The following SMCHD1 variants were observed in gnomAD, a reference collection of about 807,000 sequenced individuals.
SMCHD1 encodes structural maintenance of chromosomes flexible hinge domain-containing protein 1.
Under a neutral mutation model 254.7 loss-of-function variants are expected in SMCHD1, and 78 were observed. The observed-to-expected ratio is 0.31, with a 90% CI of 0.26 to 0.37. SMCHD1 has a LOEUF of 0.37. Ranked by LOEUF, SMCHD1 falls within the 10% of genes least tolerant of loss-of-function variation. The probability of loss-of-function intolerance (pLI) is 1.00; values close to 1 mark genes in which losing one functional copy is unlikely to be tolerated. For missense variants in SMCHD1, 1,840 were observed against 2,408.1 expected, an observed-to-expected ratio of 0.76 and a Z score of 4.94; for synonymous variants, 766 against 794.9, an observed-to-expected ratio of 0.96 and a Z score of 0.61.
chr18:2,688,807 A>G, intron 7 of SMCHD1, 60 bp downstream of exon 7: 1 of 967,436 alleles, frequency 1.0e-6, no homozygotes, highest in Non-Finnish European at 1.5e-6. Context: ...GGTGGGACAG[A>G]ACTTAACTTG....
intron 1 of SMCHD1, among the ~76,000 whole-genome samples, chr18:2,659,106 T>C (rs2073167772): frequency 6.6e-6 from 1 of 152,178 alleles, no homozygotes; most frequent in Non-Finnish European, 1.5e-5. Context: ...TGGGTGATCC[T>C]AAACTGTTAC....
chr18:2,796,419 T>A lies in SMCHD1; in HGVS notation c.5891T>A (p.Ile1964Lys), dbSNP rs1220805438. ...LIEEKLGMTP[I>K]RKCNDSLRHS... ...TCCATCTTCACAGGTATGACTCCCA[T>A]ACGTAAGTGTAATGACTCATTGCGT... The change falls in exon 47 of 48, where the codon ATA becomes AAA. Residue 1964 changes from isoleucine to lysine, a missense_variant. Physicochemically the swap from Ile to Lys is moderately radical, Grantham distance 102. Around this residue, in one of 9 missense-constraint regions of SMCHD1, gnomAD observed 132 missense variants for 138.2 expected, o/e 0.95. Transcript: ENST00000320876. The A allele has an allele frequency of 6.3e-7, 1 of 1,590,068 alleles. No individual in the cohort carries two copies. The highest frequency in any genetic ancestry group is 1.1e-5 in the South Asian group (1 of 87,158).
chr18:2,685,259 C>T lies in SMCHD1; in HGVS notation c.639-3135C>T, dbSNP rs1193926039. ...GGACTACAGGCGCCCGCCACCACGC[C>T]CGGCTAATTTTTTGTATTTTTAGTA... is the stretch of plus-strand genomic sequence containing the variant. On this transcript the variant is annotated intron_variant, in intron 5 of 47. Transcript: ENST00000320876. Among the ~76,000 whole-genome samples, 3 of 151,856 alleles carry T rather than the reference C, an allele frequency of 2.0e-5. No homozygotes were observed. In the East Asian group the frequency reaches 5.8e-4, roughly 29 times the overall value.
chr18:2,795,474 A>G (rs2076246230), intron 45 of SMCHD1, among the ~76,000 whole-genome samples: 1 of 152,240 alleles, frequency 6.6e-6, no homozygotes, highest in African/African-American at 2.4e-5. Flanking sequence ...AGTTTGAACC[A>G]CAGCATGCTC....
intron 5 of SMCHD1, among the ~76,000 whole-genome samples, chr18:2,687,854 C>T (rs377528261): frequency 2.0e-5 from 3 of 152,268 alleles, no homozygotes; most frequent in South Asian, 4.1e-4. Context: ...TCCAGCCTCA[C>T]CTTCATTCTG....
intron 1 of SMCHD1, among the ~76,000 whole-genome samples, chr18:2,663,050 A>G (rs1415334803): frequency 6.6e-6 from 1 of 152,160 alleles, no homozygotes; most frequent in Admixed American, 6.5e-5. Context: ...TTTCACTGAT[A>G]ACTAGTGATG....
intron 1 of SMCHD1, among the ~76,000 whole-genome samples, chr18:2,656,587 A>C (rs1028565108): frequency 6.6e-6 from 1 of 152,240 alleles, no homozygotes; most frequent in African/African-American, 2.4e-5. Flanking sequence ...GCGGCCCTGC[A>C]GTCTAGGGAA....
chr18:2,801,644 ATG>A (rs1422994714), intron 47 of SMCHD1, among the ~76,000 whole-genome samples: 4 of 152,074 alleles, frequency 2.6e-5, no homozygotes, highest in African/African-American at 9.7e-5. Flanking sequence ...GGTACATTAT[ATG>A]TGTTTCTGTA....
Position 2,761,964 on chromosome 18 carries a change from C to T in SMCHD1, c.4435-141C>T, listed in dbSNP as rs544621715. ...CTGAATTTTAAAAGCAAATTGATTA[C>T]TTTTAAAAGATTAATGGAAATAAAT... is the stretch of plus-strand genomic sequence containing the variant. On this transcript the variant is annotated intron_variant, in intron 35 of 47. Coordinates refer to ENST00000320876, the MANE Select transcript of SMCHD1 (RefSeq NM_015295.3). The T allele has an allele frequency of 4.1e-5, 29 of 709,800 alleles. No homozygotes were observed. The African/African-American group carries it at 5.0e-4, about 12-fold the overall frequency. The allele number at this position is 709,800 out of a possible 1,614,324, so 44.0% of individuals were successfully genotyped here.
At chr18:2,735,082 T>C (rs896079728) in intron 25 of SMCHD1, among the ~76,000 whole-genome samples, 1 of 151,104 alleles carries the variant, frequency 6.6e-6, no homozygotes, top group Non-Finnish European at 1.5e-5. Flanking sequence ...AAAAAAAAGT[T>C]AATTCACCAC....
intron 34 of SMCHD1, among the ~76,000 whole-genome samples, chr18:2,757,537 T>C (rs2075704755): frequency 6.6e-6 from 1 of 152,220 alleles, no homozygotes; most frequent in Non-Finnish European, 1.5e-5. Flanking sequence ...TTTCTAATTT[T>C]CATTGTGATT....
In SMCHD1 at chr18:2,718,031, C is replaced by A; in HGVS notation, c.2261-127C>A. 1.5e-6 allele frequency: 1 copy of A among 646,278 alleles called. No individual in the cohort carries two copies. The highest frequency in any genetic ancestry group is 2.7e-5 in the East Asian group (1 of 36,490). The allele number at this position is 646,278 out of a possible 1,614,324, so 40.0% of individuals were successfully genotyped here. ...TCACTTTCATAGGATAGTGTTAGAT[C>A]TTTTGAAGCTTCAAAGCAGGTTTTA... On this transcript the variant is annotated intron_variant, in intron 17 of 47. Coordinates refer to ENST00000320876, the MANE Select transcript of SMCHD1 (RefSeq NM_015295.3). The surrounding 1 kb of genome is among the most constrained non-coding windows in gnomAD (Gnocchi z 4.6).
At chr18:2,696,374 G>T (rs182759699) in intron 8 of SMCHD1, among the ~76,000 whole-genome samples, 91 of 152,304 alleles carry the variant, frequency 6.0e-4, no homozygotes, top group Admixed American at 3.2e-3. Flanking sequence ...CCTCCTGTCA[G>T]ATCACTGGCA....
At chr18:2,756,570 C>T (rs2075682696) in intron 34 of SMCHD1, among the ~76,000 whole-genome samples, 1 of 152,134 alleles carries the variant, frequency 6.6e-6, no homozygotes, top group Admixed American at 6.5e-5. Context: ...CTGTCTCTTG[C>T]TCAGTTTTGA....
intron 17 of SMCHD1, among the ~76,000 whole-genome samples, chr18:2,710,598 T>C (rs1007977280): frequency 2.0e-5 from 3 of 152,246 alleles, no homozygotes; most frequent in Admixed American, 6.5e-5. Context: ...GGTTTTTTCA[T>C]ATATGAACAT....
intron 1 of SMCHD1, among the ~76,000 whole-genome samples, chr18:2,659,056 AAATT>A (rs1374440829): frequency 2.0e-5 from 3 of 152,190 alleles, no homozygotes; most frequent in Non-Finnish European, 4.4e-5. Context: ...GTTAAAATGT[AAATT>A]AAACCAATAA....
chr18:2,743,859 T>C lies in SMCHD1; in HGVS notation c.3732T>C (p.Phe1244=), dbSNP rs765602142. 6.2e-6 allele frequency: 10 copies of C among 1,613,234 alleles called. No homozygotes were observed. In the Admixed American group the frequency reaches 8.3e-5, roughly 13 times the overall value. Residue 1244 remains phenylalanine (F), a synonymous_variant, in exon 29 of 48, where the codon TTT becomes TTC. Transcript: ENST00000320876. ...TTACTTGGCGTGAGTTTTCTGACTT[T>C]ATTCGAGTGCAACTAATTTCTGGAC... ...LCFTWREFSD[F]IRVQLISGPP...
chr18:2,761,515 C>T (rs557287126), intron 35 of SMCHD1, among the ~76,000 whole-genome samples: 1 of 152,132 alleles, frequency 6.6e-6, no homozygotes, highest in Admixed American at 6.5e-5. Context: ...TACACATCTA[C>T]ATATAATACT....
At chr18:2,688,563 CTCTG>C in intron 6 of SMCHD1, 55 bp downstream of exon 6, 2 of 1,588,494 alleles carry the variant, frequency 1.3e-6, no homozygotes, top group Non-Finnish European at 1.7e-6. Context: ...TTGAAGTTGA[CTCTG>C]TCTAAATGCA....
Sources: gnomAD v4.1 joint callset for allele counts (sites outside exome capture counted in the v4.1 genomes callset) on GRCh38, gnomAD v4.1.1 for gene constraint, gnomAD v4.1.1 regional missense constraint, Gnocchi (gnomAD v3.1) non-coding constraint, MANE v1.5 for transcripts, NCBI Gene and HGNC (gene_info 2026-07-23, HGNC 2026-07-21) for gene names.